ADAMTS3: variants seen among roughly 807,000 people sequenced by gnomAD.
ADAMTS3 encodes the protein A disintegrin and metalloproteinase with thrombospondin motifs 3.
Under a neutral mutation model 129.0 loss-of-function variants are expected in ADAMTS3, and 73 were observed. That is an observed-to-expected ratio of 0.57 (90% CI 0.47 to 0.69). ADAMTS3 has a LOEUF of 0.69. Ranked by LOEUF, ADAMTS3 falls within the 30% of genes least tolerant of loss-of-function variation. The pLI is 0.00. For synonymous variants in ADAMTS3, 477 were observed against 510.8 expected (o/e 0.93, Z 0.89); for missense variants, 1,457 against 1,514.5 (o/e 0.96, Z 0.63).
chr4:72,359,661 A>G (rs1720670219), intron 4 of ADAMTS3, among the ~76,000 whole-genome samples: 1 of 152,012 alleles, frequency 6.6e-6, no homozygotes, highest in Non-Finnish European at 1.5e-5. Context: ...GTTTGGTTTA[A>G]TAACATTTTT....
chr4:72,556,574 G>C (rs1423749494), intron 2 of ADAMTS3, among the ~76,000 whole-genome samples: 1 of 151,776 alleles, frequency 6.6e-6, no homozygotes, highest in Admixed American at 6.5e-5. Flanking sequence ...ACTTGTGATT[G>C]ATGCATATGG....
At chr4:72,436,829 G>A (rs568170495) in intron 3 of ADAMTS3, among the ~76,000 whole-genome samples, 3 of 151,806 alleles carry the variant, frequency 2.0e-5, no homozygotes, top group Non-Finnish European at 4.4e-5. Context: ...ACACAGGGTG[G>A]GGAACATCAC....
chr4:72,493,040 C>T (rs529333340), intron 3 of ADAMTS3, among the ~76,000 whole-genome samples: 2 of 151,798 alleles, frequency 1.3e-5, no homozygotes, highest in East Asian at 1.9e-4. Context: ...TAAATATAGC[C>T]ACCAGTTTTC....
At chr4:72,285,430 G>A (rs539333523) in intron 21 of ADAMTS3, among the ~76,000 whole-genome samples, 1 of 151,990 alleles carries the variant, frequency 6.6e-6, no homozygotes. Context: ...CTTTCTGTAT[G>A]TGTCAGGCTC....
intron 4 of ADAMTS3, among the ~76,000 whole-genome samples, chr4:72,392,192 G>A (rs1224135652): frequency 6.6e-6 from 1 of 151,992 alleles, no homozygotes; most frequent in Non-Finnish European, 1.5e-5. Flanking sequence ...TGGAGACCAG[G>A]GCCCCTCCCA....
chr4:72,356,811 G>C (rs1481478524), intron 4 of ADAMTS3, among the ~76,000 whole-genome samples: 2 of 151,634 alleles, frequency 1.3e-5, no homozygotes. Flanking sequence ...ATATATGCTA[G>C]ACCTCTACAC....
intron 10 of ADAMTS3, among the ~76,000 whole-genome samples, chr4:72,316,936 A>G (rs1403327747): frequency 4.5e-4 from 68 of 152,094 alleles, no homozygotes; most frequent in Non-Finnish European, 2.9e-5. Context: ...ACAGCACAAG[A>G]CTAGAGTCTT....
intron 3 of ADAMTS3, among the ~76,000 whole-genome samples, chr4:72,423,163 C>T (rs529463178): frequency 4.6e-5 from 7 of 152,104 alleles, no homozygotes; most frequent in African/African-American, 1.7e-4. Context: ...TTTTTTGGTG[C>T]CTCATGAAAT....
At chr4:72,337,189 A>G (rs1223969011) in intron 5 of ADAMTS3, among the ~76,000 whole-genome samples, 1 of 152,158 alleles carries the variant, frequency 6.6e-6, no homozygotes, top group Non-Finnish European at 1.5e-5. Flanking sequence ...GTATTAAAAA[A>G]TTATTTTCTC....
chr4:72,438,523 CTCTT>C (rs1718029771), intron 3 of ADAMTS3, among the ~76,000 whole-genome samples: 1 of 151,592 alleles, frequency 6.6e-6, no homozygotes. Flanking sequence ...TTTTATAAAT[CTCTT>C]TCTGTCTGAC....
In ADAMTS3 at chr4:72,290,907, G is replaced by T. The variant is rs1473781694; in HGVS notation, c.2879C>A (p.Pro960His). 6.2e-7 allele frequency: 1 copy of T among 1,613,980 alleles called. No individual in the cohort carries two copies. Among genetic ancestry groups the T allele is most frequent in the Non-Finnish European group, 8.5e-7 (1 of 1,179,940 alleles). Residue 960 changes from proline (P) to histidine (H), a missense_variant, in exon 20 of 22, where the codon CCC becomes CAC. Transcript: ENST00000286657. ...CMGDRPESRR[P>H]CNRVPCPAQW... is the part of the protein sequence containing the mutation. ...TGCAGGGCAGGGCACTCTGTTACAG[G>T]GCCGGCGGCTCTCGGGACGGTCACC...
intron 4 of ADAMTS3, among the ~76,000 whole-genome samples, chr4:72,369,408 A>G (rs1375481576): frequency 6.6e-6 from 1 of 152,048 alleles, no homozygotes; most frequent in Non-Finnish European, 1.5e-5. Context: ...CTCCTCTTAT[A>G]ACAAGTACTA....
In ADAMTS3 at chr4:72,339,592, C is replaced by T. The variant is rs755116141; in HGVS notation, c.763G>A (p.Asp255Asn). Residue 255 changes from aspartate (D) to asparagine (N), a missense_variant, in exon 5 of 22, where the codon GAT becomes AAT. Asp to Asn is a conservative substitution (Grantham distance 23). Coordinates refer to ENST00000286657, the MANE Select transcript of ADAMTS3 (RefSeq NM_014243.3). ...MRRRRHAGEN[D>N]YNIEVLLGVD... ...CCCAGCAGTACCTCGATATTGTAAT[C>T]GTTTTCTCCCGCGTGTCTGCGGCGT... 8 of 1,613,812 alleles carry T rather than the reference C, an allele frequency of 5.0e-6. No homozygotes were observed. The highest frequency in any genetic ancestry group is 6.8e-6 in the Non-Finnish European group (8 of 1,179,888).
Position 72,360,006 on chromosome 4 carries a change from C to T in ADAMTS3, c.662-20313G>A, listed in dbSNP as rs75067970. 2.0e-3 allele frequency among the ~76,000 whole-genome samples: 304 copies of T among 152,068 alleles called. 9 individuals are homozygous for T. The East Asian group carries it at 0.054, about 27-fold the overall frequency. On this transcript the variant is annotated intron_variant, in intron 4 of 21. Transcript: ENST00000286657. ...AAGGGTGCAGAATATCATTATCCAG[C>T]GGCCTATATGGAAAAGGCAATTGTG...
intron 4 of ADAMTS3, among the ~76,000 whole-genome samples, chr4:72,366,116 G>A (rs898632725): frequency 5.3e-5 from 8 of 152,080 alleles, no homozygotes; most frequent in South Asian, 2.1e-4. Flanking sequence ...GTCTTCAAGG[G>A]CACAGTATTC....
At chr4:72,301,951 C>T (rs1718961077) in intron 17 of ADAMTS3, among the ~76,000 whole-genome samples, 1 of 151,892 alleles carries the variant, frequency 6.6e-6, no homozygotes, top group African/African-American at 2.4e-5. Context: ...ACCAGGCAGT[C>T]CACAGTGGGA....
intron 6 of ADAMTS3, among the ~76,000 whole-genome samples, chr4:72,321,345 G>A (rs377566655): frequency 2.0e-5 from 3 of 148,784 alleles, no homozygotes; most frequent in Admixed American, 6.7e-5. Context: ...CTTTTTTTTT[G>A]TTTTTTTTTG....
intron 4 of ADAMTS3, among the ~76,000 whole-genome samples, chr4:72,367,097 A>C (rs1377854221): frequency 6.6e-6 from 1 of 152,146 alleles, no homozygotes; most frequent in Non-Finnish European, 1.5e-5. Flanking sequence ...TTTTTCAGCA[A>C]ATTCTGATAT....
At chr4:72,545,319 A>G (rs1216741845) in intron 3 of ADAMTS3, among the ~76,000 whole-genome samples, 1 of 152,148 alleles carries the variant, frequency 6.6e-6, no homozygotes, top group Non-Finnish European at 1.5e-5. Context: ...CTATTTGAAG[A>G]AGGAGGAAAG....
Sources: allele counts gnomAD v4.1 joint callset (sites outside exome capture counted in the v4.1 genomes callset), GRCh38; gene constraint gnomAD v4.1.1; transcripts MANE v1.5; gene names NCBI Gene and HGNC (gene_info 2026-07-23, HGNC 2026-07-21).